ANO3: variants seen among roughly 807,000 people sequenced by gnomAD.
ANO3 encodes anoctamin 3.
ANO3 carries 99 observed loss-of-function variants against 144.8 expected under a neutral mutation model. That is an observed-to-expected ratio of 0.68 (90% CI 0.58 to 0.81). The LOEUF (loss-of-function observed/expected upper bound fraction) is 0.81, where lower values mean the gene tolerates loss of function less well. Among genes scored for constraint, ANO3 ranks in the 30% least tolerant of loss-of-function variants. The pLI is 0.00. For synonymous variants in ANO3, 414 were observed against 392.6 expected (o/e 1.05, Z -0.64); for missense variants, 905 against 1,202.2 (o/e 0.75, Z 3.66).
chr11:26,419,441 T>C lies in ANO3; in HGVS notation c.47-22477T>C, dbSNP rs552142294. On this transcript the variant is annotated intron_variant, in intron 1 of 26. Transcript: ENST00000256737. ...TTTGTTCACTGCTATTTCTCTATTGTCTAAAAAGAATGCCTACCATGTATT... is the reference window on the plus strand; with the variant it reads ...TTTGTTCACTGCTATTTCTCTATTGCCTAAAAAGAATGCCTACCATGTATT... 1.2e-4 allele frequency among the ~76,000 whole-genome samples: 19 copies of C among 152,266 alleles called. No individual in the cohort carries two copies. In the South Asian group the frequency reaches 3.7e-3, roughly 30 times the overall value.
At chr11:26,300,936 C>A (rs1420986803) in intron 1 of ANO3, among the ~76,000 whole-genome samples, 2 of 133,178 alleles carry the variant, frequency 1.5e-5, no homozygotes, top group South Asian at 2.2e-4. Context: ...TCACTGCCAC[C>A]TCTGCCTCCT....
Position 26,542,049 on chromosome 11 carries a change from C to A in ANO3, c.1135C>A (p.Gln379Lys). Residue 379 changes from glutamine to lysine, a missense_variant, in exon 11 of 27, where the codon CAG becomes AAG. By Grantham distance (53) the Gln-to-Lys change is moderately conservative. Transcript: ENST00000256737. The part of the protein sequence containing the change: ...WARWGMWYKH[Q>K]PLDLIRLYFG... ...ACGCTGGGGAATGTGGTATAAGCATCAGCCTCTGGATTTAATCAGGTACTG... is the reference window on the plus strand; with the variant it reads ...ACGCTGGGGAATGTGGTATAAGCATAAGCCTCTGGATTTAATCAGGTACTG... The A allele has an allele frequency of 6.2e-7, 1 of 1,611,444 alleles. No individual in the cohort carries two copies. The highest frequency in any genetic ancestry group is 8.5e-7 in the Non-Finnish European group (1 of 1,178,608).
rs531862020 is a variant in ANO3 at position 26,349,220 on chromosome 11, T to A, written c.46+16899T>A. On this transcript the variant is annotated intron_variant, in intron 1 of 26. Transcript: ENST00000256737. ...ACCTTAATCCTTACATAGCTTACAGTTTGACCTTTAAGGCTGAGCTTTAAA... is the reference window on the plus strand; with the variant it reads ...ACCTTAATCCTTACATAGCTTACAGATTGACCTTTAAGGCTGAGCTTTAAA... 2.6e-5 allele frequency among the ~76,000 whole-genome samples: 4 copies of A among 152,328 alleles called. No individual in the cohort carries two copies. The South Asian group carries it at 8.3e-4, about 32-fold the overall frequency.
intron 1 of ANO3, among the ~76,000 whole-genome samples, chr11:26,392,704 G>C (rs1443123664): frequency 6.6e-6 from 1 of 152,056 alleles, no homozygotes; most frequent in African/African-American, 2.4e-5. Context: ...AATTTTTGTA[G>C]GAATTGGCAT....
At chr11:26,586,016 T>A (rs1369317327) in intron 14 of ANO3, among the ~76,000 whole-genome samples, 3 of 152,320 alleles carry the variant, frequency 2.0e-5, no homozygotes, top group African/African-American at 7.2e-5. Context: ...CTTGACCTTA[T>A]AGTTTTTGTA....
At chr11:26,642,151 A>G (rs536202258) in intron 22 of ANO3, 122 bp downstream of exon 22, 55 of 1,041,756 alleles carry the variant, frequency 5.3e-5, no homozygotes, top group Non-Finnish European at 7.2e-5. Flanking sequence ...ATTCTAAAAC[A>G]CGTCTGCACC....
At chr11:26,357,895 A>G (rs1057390505) in intron 1 of ANO3, among the ~76,000 whole-genome samples, 8 of 152,136 alleles carry the variant, frequency 5.3e-5, no homozygotes, top group Admixed American at 3.9e-4. Context: ...GTTTTTTGTC[A>G]TATGACTGTG....
chr11:26,561,048 C>T, intron 14 of ANO3: 1 of 1,598,644 alleles, frequency 6.3e-7, no homozygotes, highest in Non-Finnish European at 8.5e-7. Context: ...CTGTTTAACG[C>T]CTTTTTGCTG....
At chr11:26,622,582 G>A (rs1173694513) in intron 17 of ANO3, among the ~76,000 whole-genome samples, 4 of 152,098 alleles carry the variant, frequency 2.6e-5, no homozygotes, top group East Asian at 1.9e-4. Flanking sequence ...CTCCAGCCTG[G>A]GTGTTAGAGT....
intron 24 of ANO3, among the ~76,000 whole-genome samples, chr11:26,654,110 A>C (rs12417786): frequency 0.024 from 3,687 of 152,240 alleles, 55 homozygotes; most frequent in South Asian, 0.04. Context: ...TCTTCTGTAC[A>C]TTTTCTTCTT....
chr11:26,422,840 A>G (rs1857793210), intron 1 of ANO3, among the ~76,000 whole-genome samples: 1 of 152,028 alleles, frequency 6.6e-6, no homozygotes, highest in African/African-American at 2.4e-5. Flanking sequence ...ATGGCATTTG[A>G]TGAGAAATGT....
At chr11:26,223,614 A>G (rs1298345064) in intron 1 of ANO3, among the ~76,000 whole-genome samples, 1 of 151,850 alleles carries the variant, frequency 6.6e-6, no homozygotes, top group Non-Finnish European at 1.5e-5. Flanking sequence ...AAAAAAAAAA[A>G]AAAAAAAACC....
chr11:26,269,669 G>A (rs1022347448), intron 1 of ANO3, among the ~76,000 whole-genome samples: 14 of 151,564 alleles, frequency 9.2e-5, no homozygotes, highest in Admixed American at 2.0e-4. Context: ...GTCATCATCC[G>A]GTGCTGCACT....
chr11:26,533,919 C>A (rs1355269434), intron 8 of ANO3, among the ~76,000 whole-genome samples: 1 of 152,172 alleles, frequency 6.6e-6, no homozygotes, highest in African/African-American at 2.4e-5. Context: ...AGATTCCCAG[C>A]ATACTATAAA....
chr11:26,329,592 T>G (rs1474394004), upstream of ANO3, among the ~76,000 whole-genome samples: 2 of 152,122 alleles, frequency 1.3e-5, no homozygotes, highest in Non-Finnish European at 2.9e-5. Flanking sequence ...GAGGTTAGGG[T>G]GCAAGGGTGT....
intron 1 of ANO3, among the ~76,000 whole-genome samples, chr11:26,284,396 G>C (rs1249040652): frequency 6.6e-6 from 1 of 152,184 alleles, no homozygotes; most frequent in Non-Finnish European, 1.5e-5. Flanking sequence ...ATTCCTGCAT[G>C]CTGCACACTT....
intron 1 of ANO3, among the ~76,000 whole-genome samples, chr11:26,271,780 C>T (rs1853444476): frequency 6.6e-6 from 1 of 150,956 alleles, no homozygotes; most frequent in East Asian, 1.9e-4. Context: ...ATTCTTTCCG[C>T]CTAGCACAGT....
chr11:26,460,248 G>A (rs1590379857), intron 3 of ANO3: 1 of 297,920 alleles, frequency 3.4e-6, no homozygotes, highest in East Asian at 1.0e-4. Context: ...CTGTTAATAA[G>A]CATTTATTGA....
intron 4 of ANO3, among the ~76,000 whole-genome samples, chr11:26,503,304 A>G (rs945644570): frequency 3.9e-5 from 6 of 152,288 alleles, no homozygotes; most frequent in Admixed American, 1.3e-4. Flanking sequence ...TCATGATTTT[A>G]TGTTTGGACA....
Sources: allele counts gnomAD v4.1 joint callset (sites outside exome capture counted in the v4.1 genomes callset), GRCh38; gene constraint gnomAD v4.1.1; transcripts MANE v1.5; gene names NCBI Gene and HGNC (gene_info 2026-07-23, HGNC 2026-07-21).